The following RHOBTB1 variants were observed in gnomAD, a reference collection of about 807,000 sequenced individuals.
RHOBTB1 encodes the protein Rho related BTB domain containing 1, also known as rho-related BTB domain-containing protein 1.
In RHOBTB1, 40 loss-of-function variants were observed where a neutral mutation model predicts 71.6. The ratio of observed to expected loss-of-function variants is 0.56; its 90% confidence interval spans 0.43 to 0.73. The LOEUF is 0.73. Among genes scored for constraint, RHOBTB1 ranks in the 30% least tolerant of loss-of-function variants. The pLI, the probability that RHOBTB1 is intolerant of heterozygous loss-of-function variation, is 0.00. For synonymous variants in RHOBTB1, 319 were observed against 334.9 expected, an observed-to-expected ratio of 0.95 and a Z score of 0.52; for missense variants, 797 against 894.0, an observed-to-expected ratio of 0.89 and a Z score of 1.38.
chr10:60,930,455 G>A (rs1027648014), intron 2 of RHOBTB1, among the ~76,000 whole-genome samples: 2 of 152,162 alleles, frequency 1.3e-5, no homozygotes, highest in African/African-American at 4.8e-5. Context: ...GAGAAATGCT[G>A]CTATTATTGA....
chr10:60,944,618 C>T (rs1246326183), upstream of RHOBTB1, among the ~76,000 whole-genome samples: 1 of 152,206 alleles, frequency 6.6e-6, no homozygotes, highest in Non-Finnish European at 1.5e-5. Context: ...CCCTTTGTCC[C>T]AGGCTCTGGA....
intron 2 of RHOBTB1, among the ~76,000 whole-genome samples, chr10:60,984,103 C>T (rs1473963070): frequency 6.6e-6 from 1 of 152,112 alleles, no homozygotes; most frequent in Non-Finnish European, 1.5e-5. Flanking sequence ...AGTTTTGCTC[C>T]ATATTTTTGC....
At chr10:60,872,462 C>T (rs922243508) in intron 9 of RHOBTB1, among the ~76,000 whole-genome samples, 172 bp from the exon 10 acceptor site, 12 of 152,174 alleles carry the variant, frequency 7.9e-5, no homozygotes, top group Non-Finnish European at 1.6e-4. Flanking sequence ...CCAATGCCAG[C>T]CAATGTAGTG....
chr10:60,888,311 T>C lies in RHOBTB1; in HGVS notation c.1357A>G (p.Met453Val), dbSNP rs2081698627. 6.2e-7 allele frequency: 1 copy of C among 1,614,182 alleles called. No homozygotes were observed. The change falls in exon 6 of 11, where the codon ATG becomes GTG. Residue 453 changes from methionine to valine, a missense_variant. Physicochemically the swap from Met to Val is conservative, Grantham distance 21. Around this residue, in one of 2 missense-constraint regions of RHOBTB1, gnomAD observed 658 missense variants for 681.5 expected, o/e 0.97. Transcript: ENST00000337910. ...FDLRMMVENI[M>V]NKEAFMNQEI... The stretch of plus-strand genomic sequence containing the variant: ...TGGTTCATGAAGGCTTCCTTGTTCA[T>C]GATGTTTTCCACCATCATCCTCAAA...
intron 2 of RHOBTB1, among the ~76,000 whole-genome samples, chr10:60,964,616 T>G (rs757501901): frequency 6.6e-6 from 1 of 152,136 alleles, no homozygotes. Context: ...CTTGTTCTAT[T>G]AGAAAACAGC....
At chr10:60,899,487 T>C (rs2082311379) in intron 4 of RHOBTB1, among the ~76,000 whole-genome samples, 1 of 152,196 alleles carries the variant, frequency 6.6e-6, no homozygotes, top group Non-Finnish European at 1.5e-5. Context: ...TCTCTGGGAT[T>C]AACCTCCCCG....
intron 4 of RHOBTB1, among the ~76,000 whole-genome samples, chr10:60,896,579 C>T (rs2082170867): frequency 2.6e-5 from 4 of 152,136 alleles, no homozygotes; most frequent in African/African-American, 4.8e-5. Flanking sequence ...ATTGTACTTA[C>T]TTTTATTAAA....
At chr10:60,862,336 T>G in the RHOBTB1 span, among the ~76,000 whole-genome samples, 2 of 152,136 alleles carry the variant, frequency 1.3e-5, no homozygotes, top group Non-Finnish European at 2.9e-5. Flanking sequence ...TAGCTGAGAC[T>G]ACAGGTGCCT....
At chr10:60,895,737 T>C (rs772109173) in intron 4 of RHOBTB1, among the ~76,000 whole-genome samples, 2 of 152,272 alleles carry the variant, frequency 1.3e-5, no homozygotes, top group Non-Finnish European at 2.9e-5. Flanking sequence ...AATGCTTAAA[T>C]GTCTTGTGGT....
At chr10:60,921,782 C>T (rs994115410) in intron 2 of RHOBTB1, among the ~76,000 whole-genome samples, 6 of 152,200 alleles carry the variant, frequency 3.9e-5, no homozygotes, top group Admixed American at 2.0e-4. Flanking sequence ...AAAGCAGCAG[C>T]GTGTGGCTAA....
intron 5 of RHOBTB1, among the ~76,000 whole-genome samples, chr10:60,891,201 A>G (rs16915682): frequency 0.25 from 37,403 of 152,054 alleles, 4,811 homozygotes; most frequent in East Asian, 0.49. Flanking sequence ...TACCTAGAAC[A>G]TCAGAAATTG....
chr10:60,986,876 T>C (rs2086685500), intron 1 of RHOBTB1, among the ~76,000 whole-genome samples: 1 of 152,172 alleles, frequency 6.6e-6, no homozygotes, highest in African/African-American at 2.4e-5. Context: ...CCTCCCTTTC[T>C]GTGCCTCTCT....
intron 2 of RHOBTB1, among the ~76,000 whole-genome samples, chr10:60,972,915 A>C (rs933117051): frequency 1.1e-4 from 17 of 151,784 alleles, no homozygotes; most frequent in Non-Finnish European, 2.4e-4. Flanking sequence ...TGTTAACAAA[A>C]CTCCCCTTTT....
At chr10:60,957,690 A>G (rs1490804594) in intron 2 of RHOBTB1, among the ~76,000 whole-genome samples, 2 of 152,228 alleles carry the variant, frequency 1.3e-5, no homozygotes, top group African/African-American at 4.8e-5. Context: ...GTTTTTGGAT[A>G]ACTTGGAAAT....
At chr10:60,918,048 T>C (rs1161781792) in intron 2 of RHOBTB1, among the ~76,000 whole-genome samples, 1 of 152,316 alleles carries the variant, frequency 6.6e-6, no homozygotes, top group Non-Finnish European at 1.5e-5. Flanking sequence ...TCTGTGTGCA[T>C]GTGTGTGTGG....
chr10:60,891,153 C>G (rs1164927688), intron 5 of RHOBTB1, among the ~76,000 whole-genome samples: 2 of 152,012 alleles, frequency 1.3e-5, no homozygotes, highest in Non-Finnish European at 2.9e-5. Context: ...ATTGTGAAAA[C>G]TGAATATAAA....
the RHOBTB1 span, among the ~76,000 whole-genome samples, chr10:60,862,840 C>T: frequency 7.5e-6 from 1 of 133,720 alleles, no homozygotes; most frequent in African/African-American, 2.9e-5. Context: ...TTCCTCCCTC[C>T]CTCTCTCCCT....
chr10:60,987,172 T>C (rs897603705), intron 1 of RHOBTB1, among the ~76,000 whole-genome samples: 2 of 152,136 alleles, frequency 1.3e-5, no homozygotes, highest in Non-Finnish European at 2.9e-5. Context: ...TTCCTTGAAA[T>C]CCACATCTTT....
chr10:60,934,344 C>T (rs1217264967), intron 2 of RHOBTB1, among the ~76,000 whole-genome samples: 2 of 152,142 alleles, frequency 1.3e-5, no homozygotes, highest in Non-Finnish European at 1.5e-5. Flanking sequence ...ATTCAGCTCC[C>T]TTTACTTATA....
Sources: gnomAD v4.1 joint callset for allele counts (sites outside exome capture counted in the v4.1 genomes callset) on GRCh38, gnomAD v4.1.1 for gene constraint, gnomAD v4.1.1 regional missense constraint, MANE v1.5 for transcripts, NCBI Gene and HGNC (gene_info 2026-07-23, HGNC 2026-07-21) for gene names.